The following CNTNAP5 variants were observed in gnomAD, a reference collection of about 807,000 sequenced individuals.
CNTNAP5 encodes the protein contactin associated protein family member 5.
CNTNAP5 carries 72 observed loss-of-function variants against 150.2 expected under a neutral mutation model. That is an observed-to-expected ratio of 0.48 (90% confidence interval 0.40 to 0.58). CNTNAP5 has a LOEUF of 0.58. Ranked by LOEUF, CNTNAP5 falls within the 20% of genes least tolerant of loss-of-function variation. The pLI is 0.00. For synonymous variants in CNTNAP5, 672 were observed against 619.8 expected (o/e 1.08, Z -1.25); for missense variants, 1,636 against 1,626.2 (o/e 1.01, Z -0.10).
chr2:124,285,126 C>G (rs1451451369), intron 3 of CNTNAP5, among the ~76,000 whole-genome samples: 2 of 152,146 alleles, frequency 1.3e-5, no homozygotes, highest in East Asian at 3.9e-4. Flanking sequence ...CTGTTTTCCA[C>G]CGGGCAACTT....
At chr2:124,083,792 C>T (rs1381313556) in intron 1 of CNTNAP5, among the ~76,000 whole-genome samples, 4 of 151,568 alleles carry the variant, frequency 2.6e-5, no homozygotes, top group East Asian at 1.9e-4. Context: ...AGCTTTCCTT[C>T]TTTCTTTCTC....
rs138241753 is a variant in CNTNAP5, at chr2:124,347,225, G to T, written c.382-70218G>T. Among the ~76,000 whole-genome samples, 29 of 152,340 alleles carry T rather than the reference G, an allele frequency of 1.9e-4. 1 individual carries two copies. In the East Asian group the frequency reaches 5.4e-3, roughly 28 times the overall value. On this transcript the variant is annotated intron_variant, in intron 3 of 23. Transcript: ENST00000682447. The stretch of plus-strand genomic sequence containing the variant: ...CCAAAGCTTGAATGGTTTATTAACT[G>T]CCTGGTCCTGAGGCAGCCCCCTCTC...
chr2:124,126,949 T>A (rs1372432196), intron 1 of CNTNAP5, among the ~76,000 whole-genome samples: 2 of 152,166 alleles, frequency 1.3e-5, no homozygotes, highest in South Asian at 2.1e-4. Flanking sequence ...CCACAGCCAA[T>A]ATCATACTGA....
chr2:124,420,582 G>A (rs1039873110), intron 4 of CNTNAP5, among the ~76,000 whole-genome samples: 3 of 152,164 alleles, frequency 2.0e-5, no homozygotes, highest in Non-Finnish European at 4.4e-5. Flanking sequence ...TTACTGCTGT[G>A]ATATGTTTGG....
intron 21 of CNTNAP5, among the ~76,000 whole-genome samples, chr2:124,890,442 C>G (rs1297469198): frequency 2.0e-5 from 3 of 152,048 alleles, no homozygotes; most frequent in African/African-American, 7.2e-5. Flanking sequence ...TCTCGTTGTC[C>G]AGTGCTGGTT....
chr2:124,245,523 A>G (rs1162656616), intron 3 of CNTNAP5, among the ~76,000 whole-genome samples: 1 of 151,988 alleles, frequency 6.6e-6, no homozygotes, highest in Admixed American at 6.6e-5. Context: ...TGTCTAAAAC[A>G]TCAAGTACTG....
intron 1 of CNTNAP5, among the ~76,000 whole-genome samples, chr2:124,124,246 C>A (rs1180600121): frequency 6.6e-6 from 1 of 151,934 alleles, no homozygotes; most frequent in Non-Finnish European, 1.5e-5. Flanking sequence ...AATCATGGCA[C>A]GAGAACTATG....
At chr2:124,737,927 A>AG (rs58487457) in intron 13 of CNTNAP5, among the ~76,000 whole-genome samples, 2 of 151,972 alleles carry the variant, frequency 1.3e-5, no homozygotes, top group Non-Finnish European at 2.9e-5. Flanking sequence ...ATTAAAAAAA[A>AG]GCATGAATCT....
At chr2:124,291,587 G>A (rs779631897) in intron 3 of CNTNAP5, among the ~76,000 whole-genome samples, 44 of 150,904 alleles carry the variant, frequency 2.9e-4, no homozygotes, top group Non-Finnish European at 6.3e-4. Flanking sequence ...AATCTAAGTT[G>A]CCAGTGATTG....
rs202230009 is a variant in CNTNAP5, at chr2:124,504,302, C to T, written c.1073C>T (p.Thr358Ile). 1.3e-4 allele frequency: 211 copies of T among 1,611,586 alleles called. 1 individual carries two copies. The highest frequency in any genetic ancestry group is 1.7e-4 in the Non-Finnish European group (202 of 1,177,828). The change falls in exon 8 of 24, where the codon ACT becomes ATT. Residue 358 changes from threonine to isoleucine, a missense_variant. By Grantham distance (89) the Thr-to-Ile change is moderately conservative. Transcript: ENST00000682447. ...KHQIYTVGNV[T>I]FSCSEPQIVP... ...TTTATTGTTTTCCAGGGCAATGTCACTTTTTCCTGCTCCGAACCACAGATT... is the reference window on the plus strand; with the variant it reads ...TTTATTGTTTTCCAGGGCAATGTCATTTTTTCCTGCTCCGAACCACAGATT...
chr2:124,482,829 C>T (rs529007269), intron 7 of CNTNAP5, among the ~76,000 whole-genome samples: 3 of 152,286 alleles, frequency 2.0e-5, no homozygotes, highest in South Asian at 2.1e-4. Context: ...AGGGTCAAAG[C>T]GCTTCCCCAG....
At chr2:124,653,355 A>G (rs142713335) in intron 13 of CNTNAP5, among the ~76,000 whole-genome samples, 4 of 151,956 alleles carry the variant, frequency 2.6e-5, no homozygotes, top group African/African-American at 9.6e-5. Flanking sequence ...TCTAGACTAT[A>G]TAATACATAG....
At chr2:124,315,767 C>G (rs1321590186) in intron 3 of CNTNAP5, among the ~76,000 whole-genome samples, 1 of 151,570 alleles carries the variant, frequency 6.6e-6, no homozygotes, top group Non-Finnish European at 1.5e-5. Context: ...GGGGATCCTG[C>G]ATAGCTTGAA....
intron 2 of CNTNAP5, among the ~76,000 whole-genome samples, chr2:124,232,406 G>A (rs571975841): frequency 6.6e-6 from 1 of 152,270 alleles, no homozygotes; most frequent in East Asian, 1.9e-4. Flanking sequence ...GGATACTGGA[G>A]TCTTCTTCTC....
At chr2:124,899,720 A>G (rs1678377577) in intron 21 of CNTNAP5, among the ~76,000 whole-genome samples, 1 of 151,284 alleles carries the variant, frequency 6.6e-6, no homozygotes, top group Admixed American at 6.6e-5. Context: ...AGCCATATTC[A>G]CTATTAAGTT....
chr2:124,562,191 C>T (rs1296005535), intron 10 of CNTNAP5, among the ~76,000 whole-genome samples: 1 of 152,142 alleles, frequency 6.6e-6, no homozygotes, highest in African/African-American at 2.4e-5. Context: ...CCCATTAGCC[C>T]AAGTCTAAAG....
chr2:124,336,432 G>A (rs1174405354), intron 3 of CNTNAP5, among the ~76,000 whole-genome samples: 1 of 151,662 alleles, frequency 6.6e-6, no homozygotes, highest in East Asian at 2.0e-4. Context: ...GTGCAGGTTT[G>A]TTACATATAT....
At chr2:124,619,172 C>T (rs1287687826) in intron 12 of CNTNAP5, among the ~76,000 whole-genome samples, 1 of 152,116 alleles carries the variant, frequency 6.6e-6, no homozygotes, top group Non-Finnish European at 1.5e-5. Flanking sequence ...AGTTTGTGAT[C>T]ATCCTTTGCT....
chr2:124,283,641 G>C (rs779282456), intron 3 of CNTNAP5, among the ~76,000 whole-genome samples: 5 of 152,156 alleles, frequency 3.3e-5, no homozygotes, highest in Non-Finnish European at 5.9e-5. Context: ...GAATGAAAGA[G>C]GGACTATTAG....
Sources: allele counts gnomAD v4.1 joint callset (sites outside exome capture counted in the v4.1 genomes callset), GRCh38; gene constraint gnomAD v4.1.1; transcripts MANE v1.5; gene names NCBI Gene and HGNC (gene_info 2026-07-23, HGNC 2026-07-21).